ARAP2: variants seen among roughly 807,000 people sequenced by gnomAD.
ARAP2 encodes ArfGAP with RhoGAP domain, ankyrin repeat and PH domain 2, also known as arf-GAP with Rho-GAP domain, ANK repeat and PH domain-containing protein 2.
Under a neutral mutation model 194.5 loss-of-function variants are expected in ARAP2, and 148 were observed. The observed-to-expected ratio is 0.76, with a 90% CI of 0.67 to 0.87. The LOEUF (loss-of-function observed/expected upper bound fraction) is 0.87. Ranked by LOEUF, ARAP2 falls within the 40% of genes least tolerant of loss-of-function variation. ARAP2 has a pLI of 0.00. For synonymous variants in ARAP2, 695 were observed against 683.5 expected (o/e 1.02, Z -0.26); for missense variants, 2,128 against 1,989.7 (o/e 1.07, Z -1.32).
chr4:36,147,167 T>A, intron 19 of ARAP2, 129 bp downstream of exon 19: 1 of 714,966 alleles, frequency 1.4e-6, no homozygotes, highest in Non-Finnish European at 2.4e-6. Flanking sequence ...TATATATGTA[T>A]ATTTATATGA....
At chr4:36,242,240 C>T (rs1266318615) in intron 1 of ARAP2, among the ~76,000 whole-genome samples, 2 of 152,072 alleles carry the variant, frequency 1.3e-5, no homozygotes, top group Non-Finnish European at 1.5e-5. Context: ...AAGTTCTCTA[C>T]CTAATTAATA....
intron 8 of ARAP2, among the ~76,000 whole-genome samples, chr4:36,183,319 T>A (rs1255448432): frequency 1.3e-5 from 2 of 151,834 alleles, no homozygotes; most frequent in East Asian, 3.9e-4. Context: ...CTTTTCCATA[T>A]CAGTATCAGA....
chr4:36,109,476 C>G (rs1259924791), intron 26 of ARAP2, among the ~76,000 whole-genome samples: 1 of 151,790 alleles, frequency 6.6e-6, no homozygotes, highest in African/African-American at 2.4e-5. Flanking sequence ...AACAGAAAGA[C>G]TCACAGACAA....
chr4:36,168,080 A>G (rs147424230), intron 9 of ARAP2, among the ~76,000 whole-genome samples: 88 of 152,130 alleles, frequency 5.8e-4, no homozygotes, highest in African/African-American at 1.7e-3. Flanking sequence ...AGAGCCATTC[A>G]TCTGCCTCTT....
intron 5 of ARAP2, among the ~76,000 whole-genome samples, chr4:36,030,649 T>C (rs1718760840): frequency 6.6e-6 from 1 of 152,170 alleles, no homozygotes; most frequent in African/African-American, 2.4e-5. Flanking sequence ...AGCACATTTA[T>C]ACATTGCCTC....
At chr4:36,165,946 A>C (rs1268391384) in intron 10 of ARAP2, among the ~76,000 whole-genome samples, 2 of 152,150 alleles carry the variant, frequency 1.3e-5, no homozygotes, top group African/African-American at 4.8e-5. Context: ...TAAATGGCCT[A>C]CATGAATTAT....
chr4:36,077,348 C>T (rs1215854593), intron 31 of ARAP2, among the ~76,000 whole-genome samples: 3 of 152,040 alleles, frequency 2.0e-5, no homozygotes, highest in Admixed American at 1.3e-4. Context: ...TATAAAACTG[C>T]GCATTCTGCA....
chr4:36,116,636 CACTT>C (rs1001637326), intron 25 of ARAP2, among the ~76,000 whole-genome samples: 4 of 151,768 alleles, frequency 2.6e-5, no homozygotes, highest in East Asian at 1.9e-4. Context: ...ATTTATTAAA[CACTT>C]ACATGCTGAG....
chr4:36,089,436 T>G (rs754584624), intron 28 of ARAP2, among the ~76,000 whole-genome samples: 1 of 152,112 alleles, frequency 6.6e-6, no homozygotes, highest in African/African-American at 2.4e-5. Flanking sequence ...TGAGTACAAG[T>G]AGTTGTACTG....
At position 36,229,565 on chromosome 4, in the gene ARAP2, T is replaced by G; in HGVS notation, c.-79A>C. The G allele has an allele frequency of 8.9e-7, 1 of 1,127,122 alleles. No homozygotes were observed. Among genetic ancestry groups the G allele is most frequent in the African/African-American group, 1.6e-5 (1 of 64,244 alleles). 69.8% of individuals were successfully genotyped at this position (1,127,122 alleles called of 1,614,324 possible). ...CACACAAGAAGATGTACTTCTCTAC[T>G]GGCTTTTCCTCTATCAATTGTGACA... On this transcript the variant is annotated 5_prime_UTR_variant, in exon 2 of 33. Transcript: ENST00000303965.
intron 6 of ARAP2, among the ~76,000 whole-genome samples, chr4:36,207,495 T>C (rs1745812898): frequency 6.6e-6 from 1 of 152,200 alleles, no homozygotes; most frequent in South Asian, 2.1e-4. Flanking sequence ...TTTTGTTGTA[T>C]GGTGTTATGC....
intron 9 of ARAP2, among the ~76,000 whole-genome samples, chr4:36,009,481 T>TA (rs1216181349): frequency 6.6e-6 from 1 of 151,934 alleles, no homozygotes; most frequent in Non-Finnish European, 1.5e-5. Flanking sequence ...GGTCTGGTCA[T>TA]AAAAATTGGG....
chr4:36,042,847 T>A (rs972510269), intron 5 of ARAP2, among the ~76,000 whole-genome samples: 10 of 116,730 alleles, frequency 8.6e-5, no homozygotes, highest in Admixed American at 2.5e-4. Flanking sequence ...TTTTTTCTTC[T>A]TTTTTTTTTT....
chr4:36,107,574 G>A lies in ARAP2; in HGVS notation c.4276C>T (p.His1426Tyr), dbSNP rs766043421. 6.2e-7 allele frequency: 1 copy of A among 1,609,292 alleles called. No individual in the cohort carries two copies. The highest frequency in any genetic ancestry group is 8.5e-7 in the Non-Finnish European group (1 of 1,177,500). Reference sequence around the variant, plus strand: ...AAGTAATGACACCTACCACTGCAGTGTTTAATTGTGTCAGCGGTTAAGAAT... The same window carrying A: ...AAGTAATGACACCTACCACTGCAGTATTTAATTGTGTCAGCGGTTAAGAAT... ...KRFLTADTIK[H>Y]CSDRSTLGSI... The change falls in exon 27 of 33, where the codon CAC (histidine) becomes TAC (tyrosine). Residue 1426 changes from histidine (H) to tyrosine (Y), a missense_variant. By Grantham distance (83) the His-to-Tyr change is moderately conservative. Transcript: ENST00000303965.
intron 5 of ARAP2, among the ~76,000 whole-genome samples, chr4:36,029,199 T>G (rs899788604): frequency 4.4e-4 from 67 of 152,044 alleles, no homozygotes; most frequent in African/African-American, 1.5e-3. Flanking sequence ...AAGCATAGTG[T>G]GTCGAAGGCC....
chr4:36,066,423 G>C lies in ARAP2; in HGVS notation c.*1484C>G, dbSNP rs1725473530. On this transcript the variant is annotated 3_prime_UTR_variant, in exon 33 of 33. Coordinates refer to ENST00000303965, the MANE Select transcript of ARAP2 (RefSeq NM_015230.4). Reference sequence around the variant, plus strand: ...AAAGAATAAATATCTCATACCCATGGTGAACTATTTTATCACCCCAAAATA... The same window carrying C: ...AAAGAATAAATATCTCATACCCATGCTGAACTATTTTATCACCCCAAAATA... The C allele has an allele frequency of 6.6e-6, 1 of 151,842 alleles. No individual in the cohort carries two copies. The highest frequency in any genetic ancestry group is 2.1e-4 in the South Asian group (1 of 4,814). 9.4% of individuals were successfully genotyped at this position (151,842 alleles called of 1,614,324 possible).
At chr4:36,138,783 A>G (rs1727483262) in intron 19 of ARAP2, among the ~76,000 whole-genome samples, 1 of 151,828 alleles carries the variant, frequency 6.6e-6, no homozygotes, top group South Asian at 2.1e-4. Context: ...ATTTTAAAAA[A>G]CAAAAACCTG....
chr4:36,192,938 G>T (rs1328420711), intron 7 of ARAP2, among the ~76,000 whole-genome samples: 3 of 152,202 alleles, frequency 2.0e-5, no homozygotes, highest in Non-Finnish European at 2.9e-5. Flanking sequence ...AAAGGCTGCA[G>T]TGAGCCAAGA....
In ARAP2 at chr4:36,210,601, T is replaced by G. The variant is rs1041467958; in HGVS notation, c.1276A>C (p.Arg426=). ...TTAGATGCCTTTGAATTTTTTCTTC[T>G]TAAACTCTGAAAGCATTCTTCTACT... ...STVEECFQSL[R]RKNSKASKSR... The change falls in exon 6 of 33, where the codon AGA becomes CGA. Residue 426 remains arginine, a synonymous_variant. Transcript: ENST00000303965. 1 of 1,613,830 alleles carries G rather than the reference T, an allele frequency of 6.2e-7. No homozygotes were observed. The highest frequency in any genetic ancestry group is 1.3e-5 in the African/African-American group (1 of 74,920).
Sources: allele counts gnomAD v4.1 joint callset (sites outside exome capture counted in the v4.1 genomes callset), GRCh38; gene constraint gnomAD v4.1.1; transcripts MANE v1.5; gene names NCBI Gene and HGNC (gene_info 2026-07-23, HGNC 2026-07-21).